GRB2: variants seen among roughly 807,000 people sequenced by gnomAD.
The protein encoded by GRB2 is growth factor receptor bound protein 2.
In GRB2, 2 loss-of-function variants were observed where a neutral mutation model predicts 27.4. That is an observed-to-expected ratio of 0.07 (90% CI 0.03 to 0.23). The LOEUF (loss-of-function observed/expected upper bound fraction) is 0.23, where lower values mean the gene tolerates loss of function less well. GRB2 is among the 10% of genes least tolerant of loss of function. The probability of loss-of-function intolerance (pLI) is 1.00; values close to 1 mark genes in which losing one functional copy is unlikely to be tolerated. For synonymous variants in GRB2, 94 were observed against 99.6 expected, an observed-to-expected ratio of 0.94 and a Z score of 0.33; for missense variants, 102 against 282.4, an observed-to-expected ratio of 0.36 and a Z score of 4.58.
At chr17:75,330,359 C>T (rs1304428022) in intron 3 of GRB2, among the ~76,000 whole-genome samples, 4 of 151,064 alleles carry the variant, frequency 2.6e-5, no homozygotes, top group East Asian at 2.0e-4. Flanking sequence ...TCTAGCCTGG[C>T]GACAGAGCGA....
chr17:75,390,114 T>C (rs1030162896), intron 2 of GRB2, among the ~76,000 whole-genome samples: 19 of 152,296 alleles, frequency 1.2e-4, no homozygotes, highest in African/African-American at 4.3e-4. Flanking sequence ...AAGATCTCAA[T>C]GTGAACTCAA....
At chr17:75,356,169 C>T (rs1249204481) in intron 2 of GRB2, among the ~76,000 whole-genome samples, 1 of 152,058 alleles carries the variant, frequency 6.6e-6, no homozygotes, top group Non-Finnish European at 1.5e-5. Flanking sequence ...TTCAAAGTTA[C>T]AGATATGAGT....
chr17:75,353,294 T>C (rs999736973), intron 2 of GRB2, among the ~76,000 whole-genome samples: 9 of 151,954 alleles, frequency 5.9e-5, no homozygotes, highest in Non-Finnish European at 1.5e-5. Flanking sequence ...GTTGGCCCTC[T>C]GCGTAAGTGG....
intron 2 of GRB2, among the ~76,000 whole-genome samples, chr17:75,380,325 T>C (rs1465835430): frequency 6.9e-6 from 1 of 145,410 alleles, no homozygotes; most frequent in Admixed American, 7.2e-5. Context: ...TTTTTCTGAT[T>C]ACAAAACTAA....
Position 75,325,838 on chromosome 17 carries a change from C to T in GRB2, c.299+60G>A. The T allele has an allele frequency of 1.9e-6, 3 of 1,583,502 alleles. No individual in the cohort carries two copies. The South Asian group carries it at 3.3e-5, about 18-fold the overall frequency. On this transcript the variant is annotated intron_variant, in intron 4 of 5. Coordinates refer to ENST00000316804, the MANE Select transcript of GRB2 (RefSeq NM_002086.5). ...GTGTAGCCAGGCACCTGACCAACGG[C>T]TTCACAATTTGGATCAGTCAGAGAC... is the stretch of plus-strand genomic sequence containing the variant.
At chr17:75,383,004 C>T (rs8081927) in intron 2 of GRB2, among the ~76,000 whole-genome samples, 97,216 of 152,032 alleles carry the variant, frequency 0.64, 37,261 homozygotes, top group East Asian at 0.91. Context: ...CCACTGCGCC[C>T]AGCCGGCATC....
chr17:75,387,667 G>A (rs1367654285), intron 2 of GRB2: 1 of 151,834 alleles, frequency 6.6e-6, no homozygotes, highest in African/African-American at 2.4e-5. Flanking sequence ...GTGTGGTGGC[G>A]GGCGCCTATA....
intron 2 of GRB2, among the ~76,000 whole-genome samples, chr17:75,352,365 A>G (rs1567864260): frequency 6.6e-6 from 1 of 152,226 alleles, no homozygotes; most frequent in Non-Finnish European, 1.5e-5. Flanking sequence ...ACCTGCAGAG[A>G]AGAGAGGGAC....
chr17:75,395,635 A>C (rs2079024774), intron 1 of GRB2, among the ~76,000 whole-genome samples: 1 of 152,198 alleles, frequency 6.6e-6, no homozygotes, highest in South Asian at 2.1e-4. Flanking sequence ...GTCAATGCAC[A>C]AAATGGATAG....
chr17:75,381,336 AT>A, intron 2 of GRB2, among the ~76,000 whole-genome samples: 1 of 152,326 alleles, frequency 6.6e-6, no homozygotes, highest in East Asian at 1.9e-4. Flanking sequence ...AGCTAAAGTA[AT>A]TTAAATGTTA....
intron 2 of GRB2, chr17:75,371,412 A>G (rs551438277): frequency 6.6e-6 from 1 of 152,334 alleles, no homozygotes; most frequent in Non-Finnish European, 1.5e-5. Context: ...AGTGACACAA[A>G]GAGGATATCA....
At chr17:75,374,933 C>T (rs867724680) in intron 2 of GRB2, among the ~76,000 whole-genome samples, 21 of 152,238 alleles carry the variant, frequency 1.4e-4, no homozygotes, top group Admixed American at 7.2e-4. Flanking sequence ...CTCATTCAGT[C>T]GCTCAGGTTT....
intron 2 of GRB2, among the ~76,000 whole-genome samples, chr17:75,351,391 T>G (rs1209457579): frequency 6.6e-6 from 1 of 152,128 alleles, no homozygotes; most frequent in Non-Finnish European, 1.5e-5. Context: ...GGCTGACACC[T>G]GTAATCTAGC....
At chr17:75,323,792 C>A (rs967988291) in intron 4 of GRB2, among the ~76,000 whole-genome samples, 1 of 151,176 alleles carries the variant, frequency 6.6e-6, no homozygotes, top group African/African-American at 2.4e-5. Flanking sequence ...AGGTGTCACA[C>A]ATGTTTTTCT....
intron 2 of GRB2, among the ~76,000 whole-genome samples, chr17:75,373,978 G>C (rs2078873970): frequency 6.6e-6 from 1 of 151,252 alleles, no homozygotes; most frequent in South Asian, 2.1e-4. Context: ...TGCATTTTTA[G>C]TAGAGACAGG....
intron 2 of GRB2, among the ~76,000 whole-genome samples, chr17:75,343,092 G>C (rs978404138): frequency 6.7e-6 from 1 of 149,972 alleles, no homozygotes; most frequent in African/African-American, 2.5e-5. Context: ...AGTGGGGGTG[G>C]GTGGGTAGAG....
At chr17:75,397,019 C>T (rs114951095) in intron 1 of GRB2, among the ~76,000 whole-genome samples, 1 of 152,180 alleles carries the variant, frequency 6.6e-6, no homozygotes, top group African/African-American at 2.4e-5. Context: ...TTTCCTGCTG[C>T]TACTCAGCTC....
rs115866546 is a variant in GRB2 at position 75,374,786 on chromosome 17, T to C, written c.78+18765A>G. Among the ~76,000 whole-genome samples, 388 of 152,128 alleles carry C rather than the reference T, an allele frequency of 2.6e-3. 3 individuals carry two copies. The highest frequency in any genetic ancestry group is 9.0e-3 in the African/African-American group (375 of 41,512). ...CAACCTGGCCAACAGAACAAGACTCTGTCTCAAGAAAAGAAGAAAAAAAAA... is the reference window on the plus strand; with the variant it reads ...CAACCTGGCCAACAGAACAAGACTCCGTCTCAAGAAAAGAAGAAAAAAAAA... On this transcript the variant is annotated intron_variant, in intron 2 of 5. Transcript: ENST00000316804.
intron 2 of GRB2, among the ~76,000 whole-genome samples, chr17:75,381,802 C>T (rs1193076340): frequency 2.0e-5 from 3 of 150,738 alleles, no homozygotes; most frequent in African/African-American, 7.3e-5. Flanking sequence ...CCCAAAAACA[C>T]ATACCCCTTT....
Sources: gnomAD v4.1 joint callset for allele counts (sites outside exome capture counted in the v4.1 genomes callset) on GRCh38, gnomAD v4.1.1 for gene constraint, MANE v1.5 for transcripts, NCBI Gene and HGNC (gene_info 2026-07-23, HGNC 2026-07-21) for gene names.